The following RSRC1 variants were observed in gnomAD, a reference collection of about 807,000 sequenced individuals.
The protein encoded by RSRC1 is arginine and serine rich coiled-coil 1.
RSRC1 carries 39 observed loss-of-function variants against 49.1 expected under a neutral mutation model. The observed-to-expected ratio is 0.79, with a 90% CI of 0.61 to 1.04. The LOEUF is 1.04. Among genes scored for constraint, RSRC1 ranks in the 50% least tolerant of loss-of-function variants. RSRC1 has a pLI of 0.00. For missense variants in RSRC1, 388 were observed against 402.4 expected (o/e 0.96, Z 0.31); for synonymous variants, 143 against 130.8 (o/e 1.09, Z -0.63).
intron 5 of RSRC1, among the ~76,000 whole-genome samples, chr3:158,326,668 C>G (rs1729171786): frequency 6.6e-6 from 1 of 152,048 alleles, no homozygotes; most frequent in Non-Finnish European, 1.5e-5. Flanking sequence ...CAGTGTTCAT[C>G]AGGGATAATG....
At chr3:158,459,693 T>G (rs959697735) in intron 6 of RSRC1, among the ~76,000 whole-genome samples, 35 of 152,044 alleles carry the variant, frequency 2.3e-4, no homozygotes, top group African/African-American at 7.7e-4. Flanking sequence ...TTATCTAATT[T>G]AATAGATTCT....
intron 7 of RSRC1, among the ~76,000 whole-genome samples, chr3:158,527,053 C>T (rs1019412352): frequency 7.1e-6 from 1 of 141,020 alleles, no homozygotes; most frequent in Non-Finnish European, 1.5e-5. Flanking sequence ...GTATCTATAT[C>T]TTAAGAAGTT....
At chr3:158,437,600 T>G (rs575763723) in intron 6 of RSRC1, among the ~76,000 whole-genome samples, 11 of 152,032 alleles carry the variant, frequency 7.2e-5, no homozygotes, top group Non-Finnish European at 1.5e-4. Context: ...AGGCCTTCAA[T>G]AAAATTCAAC....
At chr3:158,490,771 T>C (rs1369562) in intron 7 of RSRC1, among the ~76,000 whole-genome samples, 78,530 of 152,060 alleles carry the variant, frequency 0.52, 20,796 homozygotes, top group African/African-American at 0.63. Flanking sequence ...TGGAAACTGA[T>C]GCTAATCTTA....
In RSRC1 at chr3:158,122,162, C is replaced by A. The variant is rs1414355235; in HGVS notation, c.58C>A (p.His20Asn). ...AAGCAGAAGCAAGAGAAAAAAGAAA[C>A]ACCGTAGACGGTCCTCCTCGAGCAG... ...EESRSKRKKKHRRRSSSSSSS... is the reference protein window; with the variant it reads ...EESRSKRKKKNRRRSSSSSSS... The change falls in exon 2 of 10, where the codon CAC becomes AAC. Residue 20 changes from histidine (H) to asparagine (N), a missense_variant. Coordinates refer to ENST00000611884, the MANE Select transcript of RSRC1 (RefSeq NM_001271838.2). The A allele has an allele frequency of 6.3e-7, 1 of 1,577,412 alleles. No homozygotes were observed.
intron 3 of RSRC1, among the ~76,000 whole-genome samples, chr3:158,194,904 C>A (rs1215661003): frequency 7.2e-5 from 11 of 152,120 alleles, no homozygotes; most frequent in Non-Finnish European, 1.5e-5. Flanking sequence ...CATTGTTGGA[C>A]ATTTAGGATA....
intron 5 of RSRC1, among the ~76,000 whole-genome samples, chr3:158,321,583 C>T (rs1325764751): frequency 3.4e-5 from 5 of 148,718 alleles, no homozygotes; most frequent in African/African-American, 7.4e-5. Context: ...TTTAAACACA[C>T]TATGTATTTA....
chr3:158,280,708 G>T (rs1198790960), intron 4 of RSRC1, among the ~76,000 whole-genome samples: 4 of 138,636 alleles, frequency 2.9e-5, no homozygotes, highest in Non-Finnish European at 6.0e-5. Context: ...GTGCAGTGGC[G>T]TGATCTCGGC....
At chr3:158,421,998 T>C (rs1243498062) in intron 6 of RSRC1, among the ~76,000 whole-genome samples, 1 of 151,890 alleles carries the variant, frequency 6.6e-6, no homozygotes, top group East Asian at 1.9e-4. Context: ...GATACATATG[T>C]TTGGTTTTCA....
intron 6 of RSRC1, among the ~76,000 whole-genome samples, chr3:158,395,555 A>C (rs1218055835): frequency 6.6e-6 from 1 of 152,116 alleles, no homozygotes; most frequent in African/African-American, 2.4e-5. Flanking sequence ...ACATACATGC[A>C]CCCAACAAGT....
At chr3:158,170,699 C>G (rs1173326462) in intron 3 of RSRC1, among the ~76,000 whole-genome samples, 1 of 152,178 alleles carries the variant, frequency 6.6e-6, no homozygotes, top group Non-Finnish European at 1.5e-5. Context: ...AGCAAAGACC[C>G]TCAGAGAAAA....
intron 3 of RSRC1, among the ~76,000 whole-genome samples, chr3:158,162,411 T>C (rs1387612743): frequency 6.6e-6 from 1 of 151,884 alleles, no homozygotes; most frequent in Non-Finnish European, 1.5e-5. Flanking sequence ...AATGGTTTCC[T>C]TTTTTTTGGT....
intron 3 of RSRC1, among the ~76,000 whole-genome samples, chr3:158,138,803 G>T (rs750486250): frequency 2.0e-5 from 3 of 152,104 alleles, no homozygotes; most frequent in Non-Finnish European, 2.9e-5. Flanking sequence ...CTGTGAAATT[G>T]CAGAATTGTA....
intron 4 of RSRC1, among the ~76,000 whole-genome samples, chr3:158,281,312 A>G (rs1053003444): frequency 1.3e-5 from 2 of 151,392 alleles, no homozygotes; most frequent in African/African-American, 4.9e-5. Context: ...TTAGTTTTGG[A>G]TCTATTGAGC....
chr3:158,207,967 G>A (rs1258075889), intron 4 of RSRC1, among the ~76,000 whole-genome samples: 1 of 152,078 alleles, frequency 6.6e-6, no homozygotes, highest in Non-Finnish European at 1.5e-5. Context: ...GTCTTATAAT[G>A]TCATAAATTG....
intron 5 of RSRC1, among the ~76,000 whole-genome samples, chr3:158,328,670 T>C (rs998237496): frequency 6.6e-6 from 1 of 152,194 alleles, no homozygotes; most frequent in Non-Finnish European, 1.5e-5. Flanking sequence ...TTAACATTTT[T>C]TCCTTCATTT....
intron 3 of RSRC1, among the ~76,000 whole-genome samples, chr3:158,188,237 C>T (rs950309554): frequency 7.2e-5 from 11 of 151,904 alleles, no homozygotes; most frequent in African/African-American, 2.4e-4. Context: ...GTATATATTT[C>T]CCTGGTTCCA....
intron 7 of RSRC1, among the ~76,000 whole-genome samples, chr3:158,499,177 A>G (rs1404407082): frequency 2.0e-5 from 3 of 152,066 alleles, no homozygotes; most frequent in Non-Finnish European, 2.9e-5. Context: ...GGAGATTGAG[A>G]CCATCTTGGC....
intron 3 of RSRC1, among the ~76,000 whole-genome samples, chr3:158,145,608 A>G (rs955254894): frequency 6.6e-6 from 1 of 152,110 alleles, no homozygotes; most frequent in African/African-American, 2.4e-5. Context: ...TTGACTTGGC[A>G]ATGCGGGCTC....
Sources: gnomAD v4.1 joint callset for allele counts (sites outside exome capture counted in the v4.1 genomes callset) on GRCh38, gnomAD v4.1.1 for gene constraint, MANE v1.5 for transcripts, NCBI Gene and HGNC (gene_info 2026-07-23, HGNC 2026-07-21) for gene names.